The following IDO1 variants were observed in gnomAD, a reference collection of about 807,000 sequenced individuals.
The protein encoded by IDO1 is indolamine 2,3 dioxygenase.
In IDO1, 35 loss-of-function variants were observed where a neutral mutation model predicts 38.8. The ratio of observed to expected loss-of-function variants is 0.90; its 90% CI spans 0.69 to 1.20. The LOEUF is 1.20. Among genes scored for constraint, IDO1 ranks in the 50% most tolerant of loss-of-function variants. The pLI is 0.00. For synonymous variants in IDO1, 171 were observed against 170.0 expected (o/e 1.01, Z -0.05); for missense variants, 509 against 485.1 (o/e 1.05, Z -0.46).
In IDO1 at chr8:39,922,644, C is replaced by A. The variant is rs754431478; in HGVS notation, c.530C>A (p.Ala177Glu). ...SLLVEIAAAS[A>E]IKVIPTVFKA... Reference sequence around the variant, plus strand: ...TTGGTGGAAATAGCAGCTGCTTCTGCAATCAAAGTACGTCTATCCTCACTT... The same window carrying A: ...TTGGTGGAAATAGCAGCTGCTTCTGAAATCAAAGTACGTCTATCCTCACTT... The change falls in exon 6 of 10, where the codon GCA (alanine) becomes GAA (glutamate). Residue 177 changes from alanine (A) to glutamate (E), a missense_variant. Coordinates refer to ENST00000518237, the MANE Select transcript of IDO1 (RefSeq NM_002164.6). The A allele has an allele frequency of 6.2e-7, 1 of 1,605,666 alleles. No individual in the cohort carries two copies. The highest frequency in any genetic ancestry group is 1.1e-5 in the South Asian group (1 of 90,934).
rs539055517 is a variant in IDO1 at position 39,928,504 on chromosome 8, C to T, written c.*319C>T. 5.4e-4 allele frequency: 97 copies of T among 179,626 alleles called. No individual in the cohort carries two copies. Among genetic ancestry groups the T allele is most frequent in the Non-Finnish European group, 9.8e-4 (83 of 84,702 alleles). The allele number at this position is 179,626 out of a possible 1,614,324, so 11.1% of individuals were successfully genotyped here. On this transcript the variant is annotated 3_prime_UTR_variant, in exon 10 of 10. Coordinates refer to ENST00000518237, the MANE Select transcript of IDO1 (RefSeq NM_002164.6). ...ATCCCAGCACTTTGGGAGGCCGAGG[C>T]GGGCGGATCACAAGGTCAGGAGATC...
chr8:39,926,147 A>T (rs894969540), intron 9 of IDO1, among the ~76,000 whole-genome samples: 1 of 152,196 alleles, frequency 6.6e-6, no homozygotes, highest in Non-Finnish European at 1.5e-5. Context: ...ATATGGCGCC[A>T]CTGCACTCCA....
At chr8:39,916,331 A>C (rs1729205955) in intron 1 of IDO1, among the ~76,000 whole-genome samples, 2 of 151,736 alleles carry the variant, frequency 1.3e-5, no homozygotes, top group Admixed American at 6.6e-5. Flanking sequence ...GCAAAAAAAA[A>C]TTACCCAGCA....
intron 1 of IDO1, among the ~76,000 whole-genome samples, chr8:39,916,700 A>G (rs932904556): frequency 2.6e-5 from 4 of 152,216 alleles, no homozygotes; most frequent in Admixed American, 6.5e-5. Context: ...AGATAGATAC[A>G]AGGCACAATC....
chr8:39,923,904 C>T (rs73619524), intron 7 of IDO1: 143 of 175,886 alleles, frequency 8.1e-4, no homozygotes, highest in African/African-American at 3.3e-3. Flanking sequence ...AAACTTTCCA[C>T]ATGGGAGGGT....
chr8:39,918,489 G>T, intron 3 of IDO1: 1 of 460,914 alleles, frequency 2.2e-6, no homozygotes, highest in Non-Finnish European at 3.8e-6. Context: ...ACACACATGG[G>T]CCTCCCAGCA....
chr8:39,921,099 G>A (rs1807265364), intron 5 of IDO1, among the ~76,000 whole-genome samples: 3 of 152,184 alleles, frequency 2.0e-5, no homozygotes, highest in Admixed American at 1.3e-4. Context: ...GTGAGACCTT[G>A]AAGTGACAAA....
chr8:39,928,720 G>A lies in IDO1; in HGVS notation c.*535G>A, dbSNP rs528913100. Among the ~76,000 whole-genome samples, 51 of 149,156 alleles carry A rather than the reference G, an allele frequency of 3.4e-4. No homozygotes were observed. The highest frequency in any genetic ancestry group is 3.4e-3 in the Middle Eastern group (1 of 292). On this transcript the variant is annotated 3_prime_UTR_variant, in exon 10 of 10. Coordinates refer to ENST00000518237, the MANE Select transcript of IDO1 (RefSeq NM_002164.6). ...TGCAATCCGGCCTGGGCTAAAGAGC[G>A]GGACTCCGTCTCAAAAAAAAAAAAA...
At chr8:39,917,222 G>A (rs536484750) in intron 1 of IDO1, among the ~76,000 whole-genome samples, 86 of 152,308 alleles carry the variant, frequency 5.6e-4, no homozygotes, top group Non-Finnish European at 6.8e-4. Context: ...TAGGCCAGGC[G>A]CAGTGGCTCA....
At chr8:39,915,902 A>G (rs904229175) in intron 1 of IDO1, among the ~76,000 whole-genome samples, 1 of 152,196 alleles carries the variant, frequency 6.6e-6, no homozygotes, top group Admixed American at 6.5e-5. Context: ...CGGGTGGCTC[A>G]CGCCTGTAAT....
Position 39,923,527 on chromosome 8 carries a change from C to T in IDO1, c.596C>T (p.Ala199Val), listed in dbSNP as rs751350971. The change falls in exon 7 of 10, where the codon GCG becomes GTG. Residue 199 changes from alanine to valine, a missense_variant. Transcript: ENST00000518237. ...QMQERDTLLK[A>V]LLEIASCLEK... The stretch of plus-strand genomic sequence containing the variant: ...CAAGAACGGGACACTTTGCTAAAGG[C>T]GCTGTTGGAAATAGCTTCTTGCTTG... 2.3e-5 allele frequency: 37 copies of T among 1,613,460 alleles called. No individual in the cohort carries two copies. The highest frequency in any genetic ancestry group is 6.7e-5 in the East Asian group (3 of 44,884).
At chr8:39,923,225 G>A (rs111966279) in intron 6 of IDO1, among the ~76,000 whole-genome samples, 3,530 of 152,018 alleles carry the variant, frequency 0.023, 109 homozygotes, top group African/African-American at 0.079. Flanking sequence ...CCAACATGGC[G>A]AAACCCCGTC....
chr8:39,920,243 CTATT>C (rs879458405), intron 5 of IDO1, 129 bp downstream of exon 5: 14 of 658,100 alleles, frequency 2.1e-5, no homozygotes, highest in Admixed American at 3.0e-5. Flanking sequence ...ATTTAAGTGA[CTATT>C]TAGAGAACAA....
intron 5 of IDO1, among the ~76,000 whole-genome samples, chr8:39,921,639 G>C (rs965113647): frequency 6.6e-6 from 1 of 152,110 alleles, no homozygotes; most frequent in Non-Finnish European, 1.5e-5. Context: ...AGGTCACACA[G>C]CAAGTAAGTT....
At position 39,927,950 on chromosome 8, in the gene IDO1, C is replaced by G. The variant is rs561831334; in HGVS notation, c.977C>G (p.Ala326Gly). The G allele has an allele frequency of 4.5e-5, 73 of 1,605,172 alleles. No homozygotes were observed. The highest frequency in any genetic ancestry group is 5.9e-5 in the Non-Finnish European group (69 of 1,175,712). Residue 326 changes from alanine to glycine, a missense_variant, in exon 10 of 10, where the codon GCT becomes GGT. Transcript: ENST00000518237. ...VREFVLSKGDAGLREAYDACV... is the reference protein window; with the variant it reads ...VREFVLSKGDGGLREAYDACV... ...GAGTTTGTCCTTTCAAAAGGTGATG[C>G]TGGCCTGCGGGAAGCTTATGACGCC...
rs1417890856 is a variant in IDO1, at chr8:39,927,957, G to A, written c.984G>A (p.Leu328=). 6.2e-7 allele frequency: 1 copy of A among 1,605,100 alleles called. No homozygotes were observed. Among genetic ancestry groups the A allele is most frequent in the Non-Finnish European group, 8.5e-7 (1 of 1,175,722 alleles). The change falls in exon 10 of 10, where the codon CTG becomes CTA. Residue 328 remains leucine (L), a synonymous_variant. Transcript: ENST00000518237. ...TCCTTTCAAAAGGTGATGCTGGCCT[G>A]CGGGAAGCTTATGACGCCTGTGTGA... is the stretch of plus-strand genomic sequence containing the variant. ...EFVLSKGDAG[L]REAYDACVKA...
chr8:39,923,494 T>TG lies in IDO1; in HGVS notation c.564dup (p.Gln189AlafsTer62), dbSNP rs1163277382. ...GTAATTCCTACTGTATTCAAGGCAA[T>TG]GCAAATGCAAGAACGGGACACTTTG... On this transcript the variant is annotated frameshift_variant, in exon 7 of 10. Transcript: ENST00000518237. LOFTEE classifies it high-confidence loss of function. 5 of 1,609,632 alleles carry TG rather than the reference T, an allele frequency of 3.1e-6. No individual in the cohort carries two copies. The highest frequency in any genetic ancestry group is 4.3e-6 in the Non-Finnish European group (5 of 1,176,122).
chr8:39,927,858 G>A lies in IDO1; in HGVS notation c.885G>A (p.Met295Ile). Reference protein sequence around the residue: ...GGHAAQFLQDMRRYMPPAHRN... With the variant: ...GGHAAQFLQDIRRYMPPAHRN... ...ATGCTGCTCAGTTCCTCCAGGACATGAGAAGATATATGCCACCAGCTCACA... is the reference window on the plus strand; with the variant it reads ...ATGCTGCTCAGTTCCTCCAGGACATAAGAAGATATATGCCACCAGCTCACA... The change falls in exon 10 of 10, where the codon ATG (methionine) becomes ATA (isoleucine). Residue 295 changes from methionine to isoleucine, a missense_variant. By Grantham distance (10) the Met-to-Ile change is conservative. Coordinates refer to ENST00000518237, the MANE Select transcript of IDO1 (RefSeq NM_002164.6). The A allele has an allele frequency of 6.4e-7, 1 of 1,564,052 alleles. No individual in the cohort carries two copies. Among genetic ancestry groups the A allele is most frequent in the Admixed American group, 1.9e-5 (1 of 53,024 alleles).
intron 7 of IDO1, 148 bp downstream of exon 7, chr8:39,923,734 A>G (rs2129592372): frequency 2.0e-6 from 1 of 509,844 alleles, no homozygotes. Flanking sequence ...TCCACTTTCT[A>G]TGTGGTAGGT....
Sources: allele counts gnomAD v4.1 joint callset (sites outside exome capture counted in the v4.1 genomes callset), GRCh38; gene constraint gnomAD v4.1.1; transcripts MANE v1.5; gene names NCBI Gene and HGNC (gene_info 2026-07-23, HGNC 2026-07-21).